Variants in C16orf78 observed in about 807,000 individuals in gnomAD.
The protein encoded by C16orf78 is chromosome 16 open reading frame 78.
A neutral mutation model predicts 27.3 loss-of-function variants in C16orf78; 19 were observed. That is an observed-to-expected ratio of 0.70 (90% confidence interval 0.49 to 1.02). C16orf78 has a LOEUF of 1.02. Among genes scored for constraint, C16orf78 ranks in the 50% least tolerant of loss-of-function variants. The pLI is 0.00. For synonymous variants in C16orf78, 130 were observed against 116.1 expected (o/e 1.12, Z -0.77); for missense variants, 339 against 337.0 (o/e 1.01, Z -0.05).
chr16:49,398,756 G>A (rs1965505929), intron 4 of C16orf78, among the ~76,000 whole-genome samples: 1 of 152,188 alleles, frequency 6.6e-6, no homozygotes, highest in Non-Finnish European at 1.5e-5. Context: ...TTCTCTGTTG[G>A]TGGATTTACT....
At chr16:49,397,924 C>T (rs916199540) in intron 4 of C16orf78, among the ~76,000 whole-genome samples, 1 of 152,164 alleles carries the variant, frequency 6.6e-6, no homozygotes, top group Non-Finnish European at 1.5e-5. Flanking sequence ...CACCACCACA[C>T]CCAGCTAATG....
At chr16:49,392,592 A>G (rs1423309687) in intron 3 of C16orf78, among the ~76,000 whole-genome samples, 3 of 152,262 alleles carry the variant, frequency 2.0e-5, no homozygotes, top group Non-Finnish European at 4.4e-5. Flanking sequence ...ACCTACATGC[A>G]TCAAAAAATG....
At chr16:49,384,996 G>A (rs1434857880) in intron 3 of C16orf78, among the ~76,000 whole-genome samples, 2 of 152,106 alleles carry the variant, frequency 1.3e-5, no homozygotes, top group Admixed American at 1.3e-4. Context: ...AAGAGTGAGA[G>A]TTTTCATCAC....
intron 2 of C16orf78, 112 bp from the exon 3 acceptor site, chr16:49,378,358 C>T: frequency 2.8e-6 from 4 of 1,453,080 alleles, no homozygotes; most frequent in Non-Finnish European, 3.6e-6. Flanking sequence ...TCCTTGGTTG[C>T]CTTTGCCTGC....
At chr16:49,390,852 G>A (rs539989849) in intron 3 of C16orf78, among the ~76,000 whole-genome samples, 2 of 152,274 alleles carry the variant, frequency 1.3e-5, no homozygotes, top group East Asian at 1.9e-4. Flanking sequence ...CCTTTGCCTA[G>A]GCTTCCCTGC....
chr16:49,374,622 T>C (rs1227029656), intron 1 of C16orf78, among the ~76,000 whole-genome samples: 1 of 152,232 alleles, frequency 6.6e-6, no homozygotes, highest in Non-Finnish European at 1.5e-5. Flanking sequence ...GGTCTCCATA[T>C]TGCAGGATGG....
chr16:49,376,361 C>T (rs1965217706), intron 1 of C16orf78, among the ~76,000 whole-genome samples: 1 of 152,212 alleles, frequency 6.6e-6, no homozygotes, highest in Admixed American at 6.5e-5. Flanking sequence ...TAAAGCATCG[C>T]CATGTCAATT....
chr16:49,386,566 T>C (rs966777682), intron 3 of C16orf78, among the ~76,000 whole-genome samples: 2 of 152,092 alleles, frequency 1.3e-5, no homozygotes, highest in Non-Finnish European at 2.9e-5. Context: ...CTAGTACCCA[T>C]TAGTCATTTT....
At chr16:49,397,453 C>T (rs1467577490) in intron 4 of C16orf78, among the ~76,000 whole-genome samples, 1 of 152,192 alleles carries the variant, frequency 6.6e-6, no homozygotes, top group Non-Finnish European at 1.5e-5. Context: ...TCACAAAGTC[C>T]TGCTCTGCTC....
chr16:49,373,874 C>T lies in C16orf78; in HGVS notation c.-66C>T. The T allele has an allele frequency of 3.1e-6, 5 of 1,587,734 alleles. No homozygotes were observed. The South Asian group carries it at 3.5e-5, about 11-fold the overall frequency. ...AAGTCACCAGGCCATCAAGTCCAGA[C>T]AAAGGGATCGAAAGAGTGAGACAGT... On this transcript the variant is annotated 5_prime_UTR_variant, in exon 1 of 5. Coordinates refer to ENST00000299191, the MANE Select transcript of C16orf78 (RefSeq NM_144602.4).
intron 1 of C16orf78, among the ~76,000 whole-genome samples, chr16:49,377,020 C>T (rs947417418): frequency 2.0e-5 from 3 of 152,184 alleles, no homozygotes; most frequent in Non-Finnish European, 2.9e-5. Flanking sequence ...CAGAATGCTT[C>T]CTGGGTGGCC....
In C16orf78 at chr16:49,399,293, C is replaced by A; in HGVS notation, c.*15C>A. 1 of 1,613,330 alleles carries A rather than the reference C, an allele frequency of 6.2e-7. No homozygotes were observed. Among genetic ancestry groups the A allele is most frequent in the African/African-American group, 1.3e-5 (1 of 75,042 alleles). On this transcript the variant is annotated 3_prime_UTR_variant, in exon 5 of 5. Coordinates refer to ENST00000299191, the MANE Select transcript of C16orf78 (RefSeq NM_144602.4). ...TGGCCCTCTAAATAGCTCCTCTCGC[C>A]ACCACCTTCAGGCTCCTTCTGTCAT...
intron 3 of C16orf78, among the ~76,000 whole-genome samples, chr16:49,381,863 T>C (rs1965291008): frequency 6.6e-6 from 1 of 152,140 alleles, no homozygotes; most frequent in South Asian, 2.1e-4. Context: ...TGGTGATTCC[T>C]CAGGGATCTA....
At chr16:49,396,395 C>G (rs1469218281) in intron 3 of C16orf78, 28 bp from the exon 4 acceptor site, 1 of 1,611,976 alleles carries the variant, frequency 6.2e-7, no homozygotes, top group African/African-American at 1.3e-5. Flanking sequence ...CACGGTCTAA[C>G]TCTTTGATGG....
At position 49,396,695 on chromosome 16, in the gene C16orf78, C is replaced by G; in HGVS notation, c.650+17C>G. On this transcript the variant is annotated intron_variant, in intron 4 of 4. Transcript: ENST00000299191. ...GAGCTGCCGGTGAGAGCTGCCACCC[C>G]CTGGGCAGATGGGGTGGGGTCCTGG... The G allele has an allele frequency of 6.2e-7, 1 of 1,601,426 alleles. No individual in the cohort carries two copies. Among genetic ancestry groups the G allele is most frequent in the African/African-American group, 1.3e-5 (1 of 74,930 alleles).
intron 3 of C16orf78, among the ~76,000 whole-genome samples, chr16:49,384,346 CAAA>C (rs771147270): frequency 5.9e-5 from 3 of 50,988 alleles, no homozygotes; most frequent in Middle Eastern, 0.014. Flanking sequence ...AAAACTCCAT[CAAA>C]AAAAAAAAAA....
intron 1 of C16orf78, among the ~76,000 whole-genome samples, chr16:49,377,383 G>T (rs190641847): frequency 1.3e-5 from 2 of 152,252 alleles, no homozygotes; most frequent in East Asian, 3.9e-4. Context: ...TGGAGGCAGG[G>T]GCAGGGAAGT....
Sources: allele counts gnomAD v4.1 joint callset (sites outside exome capture counted in the v4.1 genomes callset), GRCh38; gene constraint gnomAD v4.1.1; transcripts MANE v1.5; gene names NCBI Gene and HGNC (gene_info 2026-07-23, HGNC 2026-07-21).